Variants in HCN1 observed in about 807,000 individuals in gnomAD.
The protein encoded by HCN1 is potassium/sodium hyperpolarization-activated cyclic nucleotide-gated channel 1.
HCN1 carries 13 observed loss-of-function variants against 78.9 expected under a neutral mutation model. The observed-to-expected ratio is 0.16, with a 90% CI of 0.11 to 0.26. The LOEUF is 0.26. Among genes scored for constraint, HCN1 ranks in the 10% least tolerant of loss-of-function variants. HCN1 has a pLI of 1.00. For synonymous variants in HCN1, 552 were observed against 455.5 expected, an observed-to-expected ratio of 1.21 and a Z score of -2.70; for missense variants, 810 against 1,154.3, an observed-to-expected ratio of 0.70 and a Z score of 4.32.
At chr5:45,573,733 A>G (rs1166241541) in intron 2 of HCN1, among the ~76,000 whole-genome samples, 1 of 152,080 alleles carries the variant, frequency 6.6e-6, no homozygotes, top group Admixed American at 6.6e-5. Context: ...TAAGATACCT[A>G]TTATTACTGA....
At chr5:45,550,339 C>T (rs1343219411) in intron 2 of HCN1, among the ~76,000 whole-genome samples, 2 of 152,094 alleles carry the variant, frequency 1.3e-5, no homozygotes, top group Non-Finnish European at 2.9e-5. Context: ...GAGTTCATGT[C>T]CTTTGTAGGG....
intron 6 of HCN1, among the ~76,000 whole-genome samples, chr5:45,273,962 C>T (rs1006289940): frequency 4.0e-5 from 6 of 151,756 alleles, no homozygotes; most frequent in African/African-American, 9.7e-5. Context: ...GAATAGAAAT[C>T]GAAAGAAGTT....
At chr5:45,467,495 GA>G (rs201458461) in intron 2 of HCN1, among the ~76,000 whole-genome samples, 1 of 150,088 alleles carries the variant, frequency 6.7e-6, no homozygotes, top group African/African-American at 2.4e-5. Context: ...CATTTTCTCT[GA>G]AAAAAAAATG....
At chr5:45,661,532 G>C (rs1745936622) in intron 1 of HCN1, among the ~76,000 whole-genome samples, 1 of 51,758 alleles carries the variant, frequency 1.9e-5, no homozygotes, top group Non-Finnish European at 3.4e-5. Flanking sequence ...TTTTTGAAAG[G>C]ATCAACAAAA....
intron 3 of HCN1, among the ~76,000 whole-genome samples, chr5:45,437,963 C>G (rs984124304): frequency 6.6e-6 from 1 of 152,124 alleles, no homozygotes; most frequent in African/African-American, 2.4e-5. Context: ...GCTTCAGTGG[C>G]TCTGCATTGG....
In HCN1 at chr5:45,423,285, T is replaced by C. The variant is rs577066155; in HGVS notation, c.1012-26575A>G. ...AAAACATGAAGCTCAAGAAGCAGAA[T>C]AGAGATGGATTACTGCATGTGGCTT... is the stretch of plus-strand genomic sequence containing the variant. On this transcript the variant is annotated intron_variant, in intron 3 of 7. Coordinates refer to ENST00000303230, the MANE Select transcript of HCN1 (RefSeq NM_021072.4). Among the ~76,000 whole-genome samples, 5 of 152,322 alleles carry C rather than the reference T, an allele frequency of 3.3e-5. No individual in the cohort carries two copies. The South Asian group carries it at 8.3e-4, about 25-fold the overall frequency.
At chr5:45,310,761 C>G (rs1451603083) in intron 5 of HCN1, among the ~76,000 whole-genome samples, 1 of 152,124 alleles carries the variant, frequency 6.6e-6, no homozygotes, top group African/African-American at 2.4e-5. Flanking sequence ...ATGGAATCAA[C>G]CCAAATGCTC....
At chr5:45,303,304 GT>G (rs1428683485) in intron 6 of HCN1, among the ~76,000 whole-genome samples, 2 of 152,238 alleles carry the variant, frequency 1.3e-5, no homozygotes, top group East Asian at 3.9e-4. Context: ...AAACATGTTA[GT>G]GGATGGATGG....
intron 5 of HCN1, among the ~76,000 whole-genome samples, chr5:45,304,975 G>A (rs1745698168): frequency 6.6e-6 from 1 of 152,120 alleles, no homozygotes; most frequent in South Asian, 2.1e-4. Flanking sequence ...ATGTGACACA[G>A]AAGAGACAGT....
At chr5:45,377,806 A>T (rs574239978) in intron 4 of HCN1, among the ~76,000 whole-genome samples, 13 of 152,108 alleles carry the variant, frequency 8.5e-5, no homozygotes, top group African/African-American at 2.9e-4. Flanking sequence ...TCAAACCTAC[A>T]GCTAGTGGAA....
intron 2 of HCN1, among the ~76,000 whole-genome samples, chr5:45,555,000 C>G (rs1369174621): frequency 4.0e-5 from 6 of 151,762 alleles, no homozygotes; most frequent in Non-Finnish European, 8.8e-5. Flanking sequence ...CCAAAATCCC[C>G]CTAGGGCAAC....
chr5:45,350,783 A>T (rs567688326), intron 5 of HCN1, among the ~76,000 whole-genome samples: 1 of 152,082 alleles, frequency 6.6e-6, no homozygotes, highest in African/African-American at 2.4e-5. Context: ...CAATTGCTTC[A>T]AAGAGAATAA....
intron 1 of HCN1, among the ~76,000 whole-genome samples, chr5:45,688,121 T>C (rs1224805212): frequency 2.0e-5 from 3 of 152,176 alleles, no homozygotes; most frequent in Non-Finnish European, 2.9e-5. Flanking sequence ...GAGATCTATA[T>C]TCTCTGATGT....
intron 2 of HCN1, among the ~76,000 whole-genome samples, chr5:45,554,423 T>A (rs1056015211): frequency 6.6e-6 from 1 of 151,746 alleles, no homozygotes. Context: ...GCCCACAGTA[T>A]TTACACTTAA....
chr5:45,364,259 A>G (rs566977585), intron 4 of HCN1, among the ~76,000 whole-genome samples: 12 of 152,068 alleles, frequency 7.9e-5, no homozygotes, highest in Non-Finnish European at 1.6e-4. Flanking sequence ...TCCCACTCAC[A>G]TGACTTCAGT....
chr5:45,640,645 G>A (rs1745436048), intron 2 of HCN1, among the ~76,000 whole-genome samples: 1 of 150,086 alleles, frequency 6.7e-6, no homozygotes. Flanking sequence ...CATGATCTCA[G>A]CTCACTGCAA....
intron 5 of HCN1, among the ~76,000 whole-genome samples, chr5:45,331,980 A>T (rs1216274170): frequency 6.6e-6 from 1 of 151,564 alleles, no homozygotes; most frequent in Non-Finnish European, 1.5e-5. Flanking sequence ...TAGCTATATA[A>T]GTCAACTGGG....
chr5:45,489,162 T>G (rs896343415), intron 2 of HCN1, among the ~76,000 whole-genome samples: 1 of 152,114 alleles, frequency 6.6e-6, no homozygotes, highest in African/African-American at 2.4e-5. Context: ...TGAGTTACAT[T>G]TGGAGTAGGA....
chr5:45,598,226 C>T (rs1271315252), intron 2 of HCN1, among the ~76,000 whole-genome samples: 1 of 152,040 alleles, frequency 6.6e-6, no homozygotes, highest in Non-Finnish European at 1.5e-5. Flanking sequence ...ATATATAGAC[C>T]AATGGAACAC....
Sources: gnomAD v4.1 joint callset for allele counts (sites outside exome capture counted in the v4.1 genomes callset) on GRCh38, gnomAD v4.1.1 for gene constraint, MANE v1.5 for transcripts, NCBI Gene and HGNC (gene_info 2026-07-23, HGNC 2026-07-21) for gene names.